Variants in CADPS observed in about 807,000 individuals in gnomAD.
The protein encoded by CADPS is calcium-dependent secretion activator 1.
Under a neutral mutation model 167.3 loss-of-function variants are expected in CADPS, and 57 were observed. That is an observed-to-expected ratio of 0.34 (90% CI 0.28 to 0.42). CADPS has a LOEUF of 0.42. Among genes scored for constraint, CADPS ranks in the 20% least tolerant of loss-of-function variants. The pLI is 1.00. For missense variants in CADPS, 1,414 were observed against 1,738.1 expected, an observed-to-expected ratio of 0.81 and a Z score of 3.32; for synonymous variants, 676 against 635.3, an observed-to-expected ratio of 1.06 and a Z score of -0.96.
Position 62,837,217 on chromosome 3 carries a change from A to T in CADPS, c.441+37372T>A, listed in dbSNP as rs1398987108. Among the ~76,000 whole-genome samples the T allele has an allele frequency of 2.6e-5, 4 of 152,198 alleles. No homozygotes were observed. The South Asian group carries it at 6.2e-4, about 24-fold the overall frequency. Reference sequence around the variant, plus strand: ...TTTGTATTCCCATCTTACATAAGGAAACTGAAGCTCAGTGAAGTCAAGTAA... The same window carrying T: ...TTTGTATTCCCATCTTACATAAGGATACTGAAGCTCAGTGAAGTCAAGTAA... On this transcript the variant is annotated intron_variant, in intron 1 of 29. Coordinates refer to ENST00000383710, the MANE Select transcript of CADPS (RefSeq NM_003716.4).
rs1704852453 is a variant in CADPS at position 62,398,596 on chromosome 3, A to T, written c.*810T>A. 1 of 152,666 alleles carries T rather than the reference A, an allele frequency of 6.6e-6. No homozygotes were observed. Among genetic ancestry groups the T allele is most frequent in the African/African-American group, 2.4e-5 (1 of 41,460 alleles). The allele number at this position is 152,666 out of a possible 1,614,324, so 9.5% of individuals were successfully genotyped here. A position where few individuals can be genotyped will look rare whatever the true frequency, so the allele number is the denominator to read the frequency against. Reference sequence around the variant, plus strand: ...CTACTGAAGGAAATATCCACATCTTATTATAAACACATTTTTAGTCTAGGG... The same window carrying T: ...CTACTGAAGGAAATATCCACATCTTTTTATAAACACATTTTTAGTCTAGGG... On this transcript the variant is annotated 3_prime_UTR_variant, in exon 30 of 30. Coordinates refer to ENST00000383710, the MANE Select transcript of CADPS (RefSeq NM_003716.4).
intron 28 of CADPS, among the ~76,000 whole-genome samples, chr3:62,431,128 G>A (rs866742439): frequency 6.6e-6 from 1 of 152,096 alleles, no homozygotes; most frequent in African/African-American, 2.4e-5. Context: ...CTGATTTGGA[G>A]GGCTTAATTT....
chr3:62,501,274 T>C (rs967018334), intron 17 of CADPS, among the ~76,000 whole-genome samples: 1 of 152,220 alleles, frequency 6.6e-6, no homozygotes, highest in African/African-American at 2.4e-5. Flanking sequence ...TTCTGTGCTT[T>C]TGGGGCATCT....
intron 18 of CADPS, among the ~76,000 whole-genome samples, chr3:62,496,004 C>A (rs2064699260): frequency 6.6e-6 from 1 of 151,824 alleles, no homozygotes; most frequent in Admixed American, 6.6e-5. Context: ...TGAGTGGTAC[C>A]ACCAAACAGC....
chr3:62,503,643 T>A (rs753348561), intron 17 of CADPS, among the ~76,000 whole-genome samples: 1 of 152,238 alleles, frequency 6.6e-6, no homozygotes, highest in Non-Finnish European at 1.5e-5. Flanking sequence ...TTAATTATTT[T>A]CAATTTGGAA....
intron 24 of CADPS, among the ~76,000 whole-genome samples, chr3:62,473,406 A>G (rs967273827): frequency 6.6e-6 from 1 of 152,230 alleles, no homozygotes; most frequent in Non-Finnish European, 1.5e-5. Flanking sequence ...GCTGGTATCG[A>G]AAGATCTGAT....
intron 17 of CADPS, 109 bp downstream of exon 17, chr3:62,512,642 C>A (rs1478253957): frequency 1.4e-6 from 1 of 713,726 alleles, no homozygotes; most frequent in Non-Finnish European, 2.3e-6. Flanking sequence ...TGCAACTCCA[C>A]ATGGCTCTCT....
chr3:62,630,179 T>G (rs557125161), intron 6 of CADPS, among the ~76,000 whole-genome samples: 1 of 152,286 alleles, frequency 6.6e-6, no homozygotes, highest in South Asian at 2.1e-4. Context: ...TTTGTAAGCA[T>G]GTATTGAATG....
rs1034328416 is a variant in CADPS at position 62,530,772 on chromosome 3, T to C, written c.2291+2099A>G. ...GGAGTTTTGCTCCCTTCAGGGTCTG[T>C]ATTTGGTGGCAGCCCACTAAGGTAC... On this transcript the variant is annotated intron_variant, in intron 13 of 29. Coordinates refer to ENST00000383710, the MANE Select transcript of CADPS (RefSeq NM_003716.4). 1.6e-5 allele frequency: 20 copies of C among 1,287,342 alleles called. No individual in the cohort carries two copies. The Admixed American group carries it at 3.2e-4, about 21-fold the overall frequency. The allele number at this position is 1,287,342 out of a possible 1,614,324, so 79.7% of individuals were successfully genotyped here.
At chr3:62,443,430 C>CTAAT (rs1481042817) in intron 27 of CADPS, among the ~76,000 whole-genome samples, 1 of 152,180 alleles carries the variant, frequency 6.6e-6, no homozygotes, top group Non-Finnish European at 1.5e-5. Flanking sequence ...GAAAACTCTA[C>CTAAT]TAATTCAATT....
chr3:62,405,150 G>C (rs1339765716), intron 28 of CADPS, among the ~76,000 whole-genome samples: 2 of 129,788 alleles, frequency 1.5e-5, no homozygotes, highest in Non-Finnish European at 1.6e-5. Context: ...GGGGGGGGGG[G>C]CTCAACAGAT....
chr3:62,774,402 A>C (rs924072868), intron 1 of CADPS, among the ~76,000 whole-genome samples: 1 of 152,216 alleles, frequency 6.6e-6, no homozygotes, highest in South Asian at 2.1e-4. Context: ...CATGTGGTCA[A>C]ATAAGGACTT....
At chr3:62,741,135 A>G (rs577746583) in intron 3 of CADPS, among the ~76,000 whole-genome samples, 1 of 152,292 alleles carries the variant, frequency 6.6e-6, no homozygotes, top group African/African-American at 2.4e-5. Flanking sequence ...TTGATTAATT[A>G]ATGGTAGCTA....
At chr3:62,631,578 A>C (rs1414666417) in intron 6 of CADPS, among the ~76,000 whole-genome samples, 1 of 152,200 alleles carries the variant, frequency 6.6e-6, no homozygotes, top group Non-Finnish European at 1.5e-5. Flanking sequence ...TACAAACACC[A>C]CAGTGGAATC....
chr3:62,784,971 A>G (rs77955092), intron 1 of CADPS, among the ~76,000 whole-genome samples: 2,752 of 152,258 alleles, frequency 0.018, 34 homozygotes, highest in East Asian at 0.054. Flanking sequence ...TAATAATGGT[A>G]CGGTGGGTTA....
chr3:62,453,197 TA>T (rs1272330718), intron 26 of CADPS, among the ~76,000 whole-genome samples: 1 of 152,086 alleles, frequency 6.6e-6, no homozygotes, highest in East Asian at 1.9e-4. Flanking sequence ...AAAAAATTGT[TA>T]AAAAGTTTCA....
chr3:62,565,031 G>A (rs11130887), intron 9 of CADPS, among the ~76,000 whole-genome samples: 10,776 of 152,244 alleles, frequency 0.071, 463 homozygotes, highest in East Asian at 0.24. Flanking sequence ...ACACACACAC[G>A]GGGTGGGGCG....
intron 17 of CADPS, among the ~76,000 whole-genome samples, chr3:62,508,277 T>G (rs1046470676): frequency 6.6e-6 from 1 of 152,192 alleles, no homozygotes; most frequent in Non-Finnish European, 1.5e-5. Context: ...AGTCACTGAC[T>G]ACTCATTTTT....
intron 21 of CADPS, among the ~76,000 whole-genome samples, chr3:62,483,021 G>T (rs1353746066): frequency 6.6e-6 from 1 of 151,770 alleles, no homozygotes; most frequent in African/African-American, 2.4e-5. Flanking sequence ...GTCATACACG[G>T]CTCCTCAAGC....
Sources: gnomAD v4.1 joint callset for allele counts (sites outside exome capture counted in the v4.1 genomes callset) on GRCh38, gnomAD v4.1.1 for gene constraint, MANE v1.5 for transcripts, NCBI Gene and HGNC (gene_info 2026-07-23, HGNC 2026-07-21) for gene names.